ZBTB34: variants seen among roughly 807,000 people sequenced by gnomAD.
The protein encoded by ZBTB34 is zinc finger and BTB domain containing 34, also known as zinc finger and BTB domain-containing protein 34.
Under a neutral mutation model 33.4 loss-of-function variants are expected in ZBTB34, and 1 was observed. That is an observed-to-expected ratio of 0.03 (90% CI 0.01 to 0.14). ZBTB34 has a LOEUF of 0.14. Ranked by LOEUF, ZBTB34 falls within the 10% of genes least tolerant of loss-of-function variation. The pLI, the probability that ZBTB34 is intolerant of heterozygous loss-of-function variation, is 1.00. For missense variants in ZBTB34, 406 were observed against 657.2 expected (o/e 0.62, Z 4.18); for synonymous variants, 283 against 253.5 (o/e 1.12, Z -1.11).
intron 1 of ZBTB34, among the ~76,000 whole-genome samples, chr9:126,868,577 G>A (rs550809608): frequency 1.3e-5 from 2 of 152,324 alleles, no homozygotes; most frequent in South Asian, 2.1e-4. Flanking sequence ...CTCGCCTTCA[G>A]CTGTGCTCAC....
At chr9:126,864,114 GC>G (rs1262398715) in intron 1 of ZBTB34, among the ~76,000 whole-genome samples, 1 of 152,112 alleles carries the variant, frequency 6.6e-6, no homozygotes, top group Non-Finnish European at 1.5e-5. Context: ...TAAAAATCCT[GC>G]ATCTCACCAG....
intron 1 of ZBTB34, among the ~76,000 whole-genome samples, chr9:126,864,154 A>G (rs1250347615): frequency 2.0e-5 from 3 of 152,172 alleles, no homozygotes; most frequent in Admixed American, 6.5e-5. Flanking sequence ...TTACTCTTAT[A>G]AGAGATAAGA....
chr9:126,865,902 T>A (rs2033193778), intron 1 of ZBTB34, among the ~76,000 whole-genome samples: 1 of 152,194 alleles, frequency 6.6e-6, no homozygotes, highest in Admixed American at 6.5e-5. Context: ...TGAGAATCAC[T>A]TGAACCTGGG....
chr9:126,885,643 G>A (rs2033512358), exon 2 of ZBTB34: 1 of 167,058 alleles, frequency 6.0e-6, no homozygotes, highest in African/African-American at 2.4e-5. Context: ...CTAAGCGGAT[G>A]CTGTATCAAC....
intron 1 of ZBTB34, among the ~76,000 whole-genome samples, chr9:126,878,441 G>T (rs191406648): frequency 6.6e-6 from 1 of 151,676 alleles, no homozygotes; most frequent in East Asian, 1.9e-4. Flanking sequence ...CTGCACTCCA[G>T]CCTGTGCAAC....
chr9:126,871,955 A>AT (rs549117075), intron 1 of ZBTB34, among the ~76,000 whole-genome samples: 2,037 of 144,262 alleles, frequency 0.014, 54 homozygotes, highest in East Asian at 0.11. Context: ...GTCTCTACAA[A>AT]TTTTTTTTTT....
At chr9:126,884,094 G>A (rs2033485418) in exon 2 of ZBTB34, 1 of 166,994 alleles carries the variant, frequency 6.0e-6, no homozygotes, top group East Asian at 1.9e-4. Flanking sequence ...AAAGTGATAT[G>A]TGAAGAAATC....
At chr9:126,878,924 A>G (rs945830230) in intron 1 of ZBTB34, among the ~76,000 whole-genome samples, 10 of 151,954 alleles carry the variant, frequency 6.6e-5, no homozygotes, top group Non-Finnish European at 1.2e-4. Flanking sequence ...GGGTTTTACC[A>G]TGTTGGCCAG....
intron 1 of ZBTB34, among the ~76,000 whole-genome samples, chr9:126,869,394 G>A (rs551059967): frequency 1.3e-5 from 2 of 152,052 alleles, no homozygotes; most frequent in Non-Finnish European, 2.9e-5. Context: ...GCCTTAAGGG[G>A]CAGGTTGGGA....
At chr9:126,884,610 A>G (rs1271854938) in exon 2 of ZBTB34, 1 of 167,098 alleles carries the variant, frequency 6.0e-6, no homozygotes. Flanking sequence ...ATGATAGCAA[A>G]TATAACCAAC....
Position 126,880,011 on chromosome 9 carries a change from A to G in ZBTB34, c.612A>G (p.Ser204=). The G allele has an allele frequency of 6.2e-7, 1 of 1,613,650 alleles. No homozygotes were observed. Among genetic ancestry groups the G allele is most frequent in the Non-Finnish European group, 8.5e-7 (1 of 1,179,886 alleles). Residue 204 remains serine, a synonymous_variant, in exon 2 of 2, where the codon TCA becomes TCG. Transcript: ENST00000319119. This position sits in a 1 kb window ranked among gnomAD's most constrained non-coding sequence, Gnocchi z 6.7. ...GCCGCTTACAGGAGGAGGGGCACTC[A>G]GACCGCGGGAGCAGTGGGAGCGTTT...
At chr9:126,868,331 A>G (rs1265239733) in intron 1 of ZBTB34, among the ~76,000 whole-genome samples, 1 of 152,182 alleles carries the variant, frequency 6.6e-6, no homozygotes, top group Non-Finnish European at 1.5e-5. Context: ...GTCTCGCATC[A>G]GACCTTAATT....
chr9:126,880,257 A>T lies in ZBTB34; in HGVS notation c.858A>T (p.Ala286=). 1 of 1,613,906 alleles carries T rather than the reference A, an allele frequency of 6.2e-7. No homozygotes were observed. Residue 286 remains alanine, a synonymous_variant, in exon 2 of 2, where the codon GCA becomes GCT. Transcript: ENST00000319119. The surrounding 1 kb of genome is among the most constrained non-coding windows in gnomAD (Gnocchi z 6.7). ...CCTATGGTTCTGTGCTCCAGCACGC[A>T]TACTCCTATTCCCAAGCAGCCTCAC...
intron 1 of ZBTB34, among the ~76,000 whole-genome samples, chr9:126,867,663 A>G (rs1240107831): frequency 6.7e-6 from 1 of 149,356 alleles, no homozygotes; most frequent in African/African-American, 2.5e-5. Context: ...TGTCGAATGT[A>G]TTTGTCTTTG....
intron 1 of ZBTB34, among the ~76,000 whole-genome samples, chr9:126,873,300 A>G (rs760562945): frequency 1.3e-5 from 2 of 152,088 alleles, no homozygotes; most frequent in African/African-American, 2.4e-5. Context: ...GTCTCACTCT[A>G]TCACCCAGGC....
rs2033411468 is a variant in ZBTB34 at position 126,879,916 on chromosome 9, T to C, written c.517T>C (p.Ser173Pro). The C allele has an allele frequency of 1.9e-6, 3 of 1,612,694 alleles. No individual in the cohort carries two copies. Among genetic ancestry groups the C allele is most frequent in the African/African-American group, 1.3e-5 (1 of 74,856 alleles). Residue 173 changes from serine (S) to proline (P), a missense_variant, in exon 2 of 2, where the codon TCT (serine) becomes CCT (proline). This residue lies in a region of ZBTB34 where 137 missense variants were observed against 173.0 expected (regional missense o/e 0.79). Transcript: ENST00000319119. The surrounding 1 kb of genome is among the most constrained non-coding windows in gnomAD (Gnocchi z 6.4). ...AGTGGAGATCTCTCCTCCATATTGCTCTCAGGGACGGCAGCCCACCGCAAG... is the reference window on the plus strand; with the variant it reads ...AGTGGAGATCTCTCCTCCATATTGCCCTCAGGGACGGCAGCCCACCGCAAG...
In ZBTB34 at chr9:126,879,846, C is replaced by G. The variant is rs780150661; in HGVS notation, c.447C>G (p.Pro149=). ...TTACCGTCGGTGCTGAAGAGAATCCCGAGAGTCGAAACGGAGTGAAAGACA... is the reference window on the plus strand; with the variant it reads ...TTACCGTCGGTGCTGAAGAGAATCCGGAGAGTCGAAACGGAGTGAAAGACA... Residue 149 remains proline (P), a synonymous_variant, in exon 2 of 2, where the codon CCC becomes CCG. Coordinates refer to ENST00000319119, the Ensembl canonical transcript of ZBTB34. The surrounding 1 kb of genome is among the most constrained non-coding windows in gnomAD (Gnocchi z 6.4). 1.2e-6 allele frequency: 2 copies of G among 1,612,938 alleles called. No homozygotes were observed. Among genetic ancestry groups the G allele is most frequent in the African/African-American group, 1.3e-5 (1 of 74,866 alleles).
At chr9:126,869,621 C>G (rs117543020) in intron 1 of ZBTB34, among the ~76,000 whole-genome samples, 1 of 152,124 alleles carries the variant, frequency 6.6e-6, no homozygotes, top group East Asian at 1.9e-4. Flanking sequence ...AGGAGAATGT[C>G]GGTCCTGCCC....
At position 126,880,033 on chromosome 9, in the gene ZBTB34, G is replaced by A. The variant is rs373089625; in HGVS notation, c.634G>A (p.Val212Ile). 203 of 1,613,546 alleles carry A rather than the reference G, an allele frequency of 1.3e-4. No homozygotes were observed. The highest frequency in any genetic ancestry group is 1.6e-4 in the Non-Finnish European group (188 of 1,179,882). The stretch of plus-strand genomic sequence containing the variant: ...CTCAGACCGCGGGAGCAGTGGGAGC[G>A]TTTCTGAATATGAGATTCAGATAGA... The change falls in exon 2 of 2, where the codon GTT (valine) becomes ATT (isoleucine). Residue 212 changes from valine (V) to isoleucine (I), a missense_variant. This residue lies in a region of ZBTB34 where 137 missense variants were observed against 173.0 expected (regional missense o/e 0.79). Transcript: ENST00000319119. This position sits in a 1 kb window ranked among gnomAD's most constrained non-coding sequence, Gnocchi z 6.7.
Sources: allele counts gnomAD v4.1 joint callset (sites outside exome capture counted in the v4.1 genomes callset), GRCh38; gene constraint gnomAD v4.1.1; regional missense constraint gnomAD v4.1.1; non-coding constraint Gnocchi (gnomAD v3.1); transcripts MANE v1.5; gene names NCBI Gene and HGNC (gene_info 2026-07-23, HGNC 2026-07-21).